ZMYM2: variants seen among roughly 807,000 people sequenced by gnomAD.
ZMYM2 encodes zinc finger MYM-type containing 2.
In ZMYM2, 56 loss-of-function variants were observed where a neutral mutation model predicts 162.8. That is an observed-to-expected ratio of 0.34 (90% CI 0.28 to 0.43). The LOEUF (loss-of-function observed/expected upper bound fraction) is 0.43, where lower values mean the gene tolerates loss of function less well. ZMYM2 is among the 20% of genes least tolerant of loss of function. ZMYM2 has a pLI of 1.00. For synonymous variants in ZMYM2, 510 were observed against 541.6 expected (o/e 0.94, Z 0.81); for missense variants, 1,275 against 1,621.8 (o/e 0.79, Z 3.67).
chr13:20,060,328 C>A (rs951327852), intron 16 of ZMYM2, among the ~76,000 whole-genome samples: 1 of 152,136 alleles, frequency 6.6e-6, no homozygotes, highest in Non-Finnish European at 1.5e-5. Context: ...TGACATTTCG[C>A]GGATGTCTGT....
At chr13:20,083,217 C>T (rs1958024712) in intron 23 of ZMYM2, among the ~76,000 whole-genome samples, 185 bp downstream of exon 23, 1 of 152,144 alleles carries the variant, frequency 6.6e-6, no homozygotes, top group Admixed American at 6.5e-5. Context: ...CAGGCGCCAC[C>T]ATGCCTGGCT....
At chr13:20,032,519 A>T (rs975835824) in intron 10 of ZMYM2, among the ~76,000 whole-genome samples, 3 of 147,406 alleles carry the variant, frequency 2.0e-5, no homozygotes, top group African/African-American at 7.5e-5. Flanking sequence ...ATTTATTAGG[A>T]GCTGTTGGTG....
chr13:19,919,002 T>C, the ZMYM2 span, among the ~76,000 whole-genome samples: 2 of 152,162 alleles, frequency 1.3e-5, no homozygotes, highest in African/African-American at 4.8e-5. Flanking sequence ...GTTCCCTCTT[T>C]ATAGTCACAC....
At position 20,036,608 on chromosome 13, in the gene ZMYM2, A is replaced by G. The variant is rs1005251670; in HGVS notation, c.2120-129A>G. The stretch of plus-strand genomic sequence containing the variant: ...TCTGTTCTAATTTTTATAGGTTGAT[A>G]TTGATTACAGTAGATTTTATAGTTT... On this transcript the variant is annotated intron_variant, in intron 11 of 24. Transcript: ENST00000610343. 5 of 618,704 alleles carry G rather than the reference A, an allele frequency of 8.1e-6. No homozygotes were observed. In the Admixed American group the frequency reaches 2.0e-4, roughly 25 times the overall value. 38.3% of individuals were successfully genotyped at this position (618,704 alleles called of 1,614,324 possible).
At chr13:20,007,965 CAA>C (rs1950879949) in intron 6 of ZMYM2, among the ~76,000 whole-genome samples, 1 of 152,136 alleles carries the variant, frequency 6.6e-6, no homozygotes, top group East Asian at 1.9e-4. Flanking sequence ...CTTTCTCACG[CAA>C]AGTTTTGTTT....
chr13:19,962,511 A>T (rs1328306448), intron 2 of ZMYM2, among the ~76,000 whole-genome samples: 5 of 54,444 alleles, frequency 9.2e-5, no homozygotes, highest in African/African-American at 1.9e-4. Context: ...ATATATATAT[A>T]TATATTTTTT....
At position 19,993,090 on chromosome 13, in the gene ZMYM2, G is replaced by A. The variant is rs1949753304; in HGVS notation, c.18G>A (p.Val6=). 1 of 1,604,688 alleles carries A rather than the reference G, an allele frequency of 6.2e-7. No homozygotes were observed. The highest frequency in any genetic ancestry group is 1.1e-5 in the South Asian group (1 of 89,334). The change falls in exon 3 of 25, where the codon GTG becomes GTA. Residue 6 remains valine (V), a synonymous_variant. Transcript: ENST00000610343. Reference sequence around the variant, plus strand: ...TCTTTGGCATGGACACAAGTTCAGTGGGAGGATTAGAATTGACTGATCAGA... The same window carrying A: ...TCTTTGGCATGGACACAAGTTCAGTAGGAGGATTAGAATTGACTGATCAGA... The part of the protein sequence containing the change: MDTSS[V]GGLELTDQTP...
intron 2 of ZMYM2, chr13:19,965,376 C>CA (rs1175152840): frequency 1.6e-5 from 10 of 618,464 alleles, no homozygotes; most frequent in Middle Eastern, 7.6e-4. Context: ...TCATTCATTT[C>CA]AAAGAGGTAT....
the ZMYM2 span, among the ~76,000 whole-genome samples, chr13:19,919,565 TG>T: frequency 6.6e-6 from 1 of 152,306 alleles, no homozygotes; most frequent in East Asian, 1.9e-4. Flanking sequence ...TATCTCATTG[TG>T]GTTTTAGTCT....
the ZMYM2 span, among the ~76,000 whole-genome samples, chr13:19,876,457 C>G: frequency 3.3e-5 from 5 of 151,998 alleles, no homozygotes; most frequent in Non-Finnish European, 5.9e-5. Context: ...TGAGTAGCTG[C>G]GACTACAGGC....
the ZMYM2 span, among the ~76,000 whole-genome samples, chr13:19,867,371 T>C: frequency 2.0e-5 from 3 of 151,110 alleles, no homozygotes; most frequent in African/African-American, 4.9e-5. Flanking sequence ...AAAAAAGTGT[T>C]GTCTTACAAT....
chr13:19,961,160 C>G (rs922616482), intron 2 of ZMYM2, among the ~76,000 whole-genome samples: 1 of 146,750 alleles, frequency 6.8e-6, no homozygotes, highest in South Asian at 2.2e-4. Flanking sequence ...TTAAATTTTA[C>G]TAGTAAGAAT....
At chr13:19,883,840 C>G in the ZMYM2 span, among the ~76,000 whole-genome samples, 4 of 152,132 alleles carry the variant, frequency 2.6e-5, no homozygotes, top group African/African-American at 9.7e-5. Context: ...CACGGCAACC[C>G]CCACCTCCCA....
intron 2 of ZMYM2, among the ~76,000 whole-genome samples, chr13:19,967,593 C>A (rs573819743): frequency 2.6e-5 from 4 of 152,140 alleles, no homozygotes; most frequent in Non-Finnish European, 5.9e-5. Flanking sequence ...TTTTACTACA[C>A]GTACATTATG....
Position 20,059,384 on chromosome 13 carries a change from C to T in ZMYM2, c.2624-63C>T, listed in dbSNP as rs1471116206. 4 of 1,528,930 alleles carry T rather than the reference C, an allele frequency of 2.6e-6. No individual in the cohort carries two copies. The East Asian group carries it at 9.6e-5, about 37-fold the overall frequency. The allele number at this position is 1,528,930 out of a possible 1,614,324, so 94.7% of individuals were successfully genotyped here. On this transcript the variant is annotated intron_variant, in intron 15 of 24. Coordinates refer to ENST00000610343, the MANE Select transcript of ZMYM2 (RefSeq NM_197968.4). ...ATTTTTCTTTATCAAATTATTTTAA[C>T]ATTGAGCACCTGTATATAAGTGTTA...
At chr13:20,063,906 TATA>T (rs1956465161) in intron 18 of ZMYM2, among the ~76,000 whole-genome samples, 1 of 9,614 alleles carries the variant, frequency 1.0e-4, no homozygotes, top group African/African-American at 1.4e-4. Flanking sequence ...TAATTTTATA[TATA>T]ATATATATTT....
chr13:20,004,973 A>AT (rs1230980538), intron 4 of ZMYM2, 101 bp from the exon 5 acceptor site: 13 of 818,896 alleles, frequency 1.6e-5, no homozygotes, highest in Middle Eastern at 3.6e-4. Flanking sequence ...ATGATGTTTG[A>AT]TTTGCAGGAC....
the ZMYM2 span, among the ~76,000 whole-genome samples, chr13:19,901,099 G>A: frequency 2.0e-5 from 3 of 152,114 alleles, no homozygotes; most frequent in African/African-American, 7.2e-5. Context: ...GGGAGAGAGA[G>A]AGAGAAATTT....
At chr13:19,976,143 C>T (rs1254820808) in intron 2 of ZMYM2, among the ~76,000 whole-genome samples, 1 of 151,904 alleles carries the variant, frequency 6.6e-6, no homozygotes, top group Admixed American at 6.6e-5. Flanking sequence ...ACCATCCTGC[C>T]CAACGTGGTA....
Sources: allele counts gnomAD v4.1 joint callset (sites outside exome capture counted in the v4.1 genomes callset), GRCh38; gene constraint gnomAD v4.1.1; transcripts MANE v1.5; gene names NCBI Gene and HGNC (gene_info 2026-07-23, HGNC 2026-07-21).